Variants in RYR2 observed in about 807,000 individuals in gnomAD.
The protein encoded by RYR2 is ryanodine receptor 2.
In RYR2, 227 loss-of-function variants were observed where a neutral mutation model predicts 601.1. The observed-to-expected ratio is 0.38, with a 90% CI of 0.34 to 0.42. The LOEUF is 0.42. RYR2 is among the 10% of genes least tolerant of loss of function. The pLI, the probability that RYR2 is intolerant of heterozygous loss-of-function variation, is 1.00. For missense variants in RYR2, 4,646 were observed against 6,156.5 expected, an observed-to-expected ratio of 0.75 and a Z score of 8.21; for synonymous variants, 2,223 against 2,175.1, an observed-to-expected ratio of 1.02 and a Z score of -0.61.
At chr1:237,063,786 G>T (rs1304888699) in intron 1 of RYR2, among the ~76,000 whole-genome samples, 1 of 152,054 alleles carries the variant, frequency 6.6e-6, no homozygotes, top group African/African-American at 2.4e-5. Context: ...TTTTATGATG[G>T]GTTTACTGAC....
At chr1:237,752,495 C>T (rs757918980) in intron 80 of RYR2, among the ~76,000 whole-genome samples, 1 of 151,496 alleles carries the variant, frequency 6.6e-6, no homozygotes, top group Non-Finnish European at 1.5e-5. Flanking sequence ...AGGAACCACT[C>T]GTTTTAAACA....
chr1:237,468,377 G>T (rs767200106), intron 16 of RYR2, among the ~76,000 whole-genome samples: 5 of 152,138 alleles, frequency 3.3e-5, no homozygotes, highest in African/African-American at 4.8e-5. Context: ...TAGGCTGAAA[G>T]AAACCAGAAA....
chr1:237,728,600 G>C (rs1185530040), intron 76 of RYR2, among the ~76,000 whole-genome samples: 1 of 152,054 alleles, frequency 6.6e-6, no homozygotes, highest in East Asian at 1.9e-4. Flanking sequence ...ATACTATGCA[G>C]CCATAAAAAA....
chr1:237,310,607 CT>C (rs1157681099), intron 2 of RYR2, among the ~76,000 whole-genome samples: 7 of 152,126 alleles, frequency 4.6e-5, no homozygotes, highest in African/African-American at 1.7e-4. Context: ...TATTGAAGCC[CT>C]TGAATTCAAC....
At position 237,648,478 on chromosome 1, in the gene RYR2, G is replaced by C. The variant is rs747614796; in HGVS notation, c.7377G>C (p.Gly2459=). The change falls in exon 49 of 105, where the codon GGG becomes GGC. Residue 2459 remains glycine, a synonymous_variant. Transcript: ENST00000366574. ...GNVVEPDMSA[G]FCPDHKAAMV... ...TGGTGGAACCTGACATGTCTGCGGGGTTTTGCCCAGATCACAAGGCAGCCA... is the reference window on the plus strand; with the variant it reads ...TGGTGGAACCTGACATGTCTGCGGGCTTTTGCCCAGATCACAAGGCAGCCA... 3 of 1,610,764 alleles carry C rather than the reference G, an allele frequency of 1.9e-6. No homozygotes were observed. The highest frequency in any genetic ancestry group is 1.1e-5 in the South Asian group (1 of 90,212).
chr1:237,089,078 G>A (rs574814636), intron 1 of RYR2, among the ~76,000 whole-genome samples: 1 of 152,026 alleles, frequency 6.6e-6, no homozygotes, highest in Non-Finnish European at 1.5e-5. Flanking sequence ...CTGGTTTTTT[G>A]CCCTTTGCAC....
At chr1:237,713,481 C>T (rs1689007695) in intron 71 of RYR2, among the ~76,000 whole-genome samples, 1 of 152,130 alleles carries the variant, frequency 6.6e-6, no homozygotes, top group Middle Eastern at 3.2e-3. Flanking sequence ...ACTGCAACCT[C>T]TGCCTCCTGG....
intron 1 of RYR2, among the ~76,000 whole-genome samples, chr1:237,047,626 G>A (rs934767902): frequency 2.6e-5 from 4 of 151,846 alleles, no homozygotes; most frequent in East Asian, 1.9e-4. Context: ...TCCTTGCCAC[G>A]TCTAAATGTC....
chr1:237,329,853 T>C (rs529161719), intron 2 of RYR2, among the ~76,000 whole-genome samples: 3 of 152,002 alleles, frequency 2.0e-5, no homozygotes, highest in Non-Finnish European at 4.4e-5. Flanking sequence ...GAGATAGCGG[T>C]TTAAGAGAAA....
chr1:237,278,086 T>A (rs902649237), intron 2 of RYR2, among the ~76,000 whole-genome samples: 8 of 152,042 alleles, frequency 5.3e-5, no homozygotes. Flanking sequence ...GTTTTGTTTT[T>A]TTGAGTCAGG....
chr1:237,613,479 A>C (rs1470578435), intron 36 of RYR2, among the ~76,000 whole-genome samples: 2 of 151,986 alleles, frequency 1.3e-5, no homozygotes, highest in Admixed American at 1.3e-4. Context: ...TTATTTATCT[A>C]TTGTTTTGAG....
At position 237,450,231 on chromosome 1, in the gene RYR2, GACCT is replaced by G. The variant is rs560781059; in HGVS notation, c.1293-4159_1293-4156del. Among the ~76,000 whole-genome samples the G allele has an allele frequency of 2.6e-5, 4 of 152,140 alleles. No individual in the cohort carries two copies. The East Asian group carries it at 7.7e-4, about 29-fold the overall frequency. On this transcript the variant is annotated intron_variant, in intron 14 of 104. Coordinates refer to ENST00000366574, the MANE Select transcript of RYR2 (RefSeq NM_001035.3). ...AGTGTTCTGCTGAATATTTGAGGGG[GACCT>G]TCTGTAGGTCTCCAGGGTTCCCTCT...
At chr1:237,390,691 G>T (rs1702304885) in intron 10 of RYR2, among the ~76,000 whole-genome samples, 1 of 152,106 alleles carries the variant, frequency 6.6e-6, no homozygotes, top group African/African-American at 2.4e-5. Context: ...TATGATTGCA[G>T]AGAAATCTAG....
intron 14 of RYR2, among the ~76,000 whole-genome samples, chr1:237,447,161 G>T (rs11807644): frequency 0.067 from 10,160 of 152,232 alleles, 823 homozygotes; most frequent in African/African-American, 0.19. Flanking sequence ...GCACTGCAGA[G>T]ATACCATTTG....
At chr1:237,496,383 A>G in intron 19 of RYR2, 128 bp from the exon 20 acceptor site, 11 of 1,290,636 alleles carry the variant, frequency 8.5e-6, no homozygotes, top group Non-Finnish European at 1.1e-5. Flanking sequence ...GCTTCAGCCT[A>G]GGCAACAGAG....
At chr1:237,157,295 C>CAAAAAAAAAAAAAAAAAAAAAAAAAAGAA (rs1675485198) in intron 1 of RYR2, among the ~76,000 whole-genome samples, 1 of 63,510 alleles carries the variant, frequency 1.6e-5, no homozygotes, top group African/African-American at 6.4e-5. Flanking sequence ...GACTCCATCT[C>CAAAAAAAAAAAAAAAAAAAAAAAAAAGAA]AAAAAAAAAA....
chr1:237,286,790 C>T (rs1317041115), intron 2 of RYR2, among the ~76,000 whole-genome samples: 2 of 151,982 alleles, frequency 1.3e-5, no homozygotes, highest in East Asian at 3.9e-4. Context: ...GCATTTAGGC[C>T]ATTTACATTC....
chr1:237,781,445 A>G, intron 88 of RYR2, 120 bp from the exon 89 acceptor site: 1 of 592,046 alleles, frequency 1.7e-6, no homozygotes, highest in Non-Finnish European at 3.1e-6. Flanking sequence ...CTTTAGTTCC[A>G]TAATGCTTCA....
intron 84 of RYR2, among the ~76,000 whole-genome samples, chr1:237,762,258 T>G (rs1331275727): frequency 6.6e-6 from 1 of 152,162 alleles, no homozygotes; most frequent in African/African-American, 2.4e-5. Context: ...AGGCCAGACC[T>G]TTGAGAAAAG....
Sources: allele counts gnomAD v4.1 joint callset (sites outside exome capture counted in the v4.1 genomes callset), GRCh38; gene constraint gnomAD v4.1.1; transcripts MANE v1.5; gene names NCBI Gene and HGNC (gene_info 2026-07-23, HGNC 2026-07-21).